RIMS1: variants seen among roughly 807,000 people sequenced by gnomAD.
The protein encoded by RIMS1 is regulating synaptic membrane exocytosis 1.
A neutral mutation model predicts 214.1 loss-of-function variants in RIMS1; 83 were observed. The ratio of observed to expected loss-of-function variants is 0.39; its 90% CI spans 0.32 to 0.47. The LOEUF (loss-of-function observed/expected upper bound fraction) is 0.47, where lower values mean the gene tolerates loss of function less well. RIMS1 is among the 20% of genes least tolerant of loss of function. RIMS1 has a pLI of 0.99. For synonymous variants in RIMS1, 793 were observed against 786.8 expected, an observed-to-expected ratio of 1.01 and a Z score of -0.13; for missense variants, 2,050 against 2,161.8, an observed-to-expected ratio of 0.95 and a Z score of 1.03.
At chr6:72,276,411 C>T (rs1242461882) in intron 23 of RIMS1, among the ~76,000 whole-genome samples, 1 of 151,978 alleles carries the variant, frequency 6.6e-6, no homozygotes, top group East Asian at 1.9e-4. Flanking sequence ...TCAAATAATA[C>T]TTTCAGTTCT....
chr6:71,963,333 C>A (rs1007528957), intron 1 of RIMS1, among the ~76,000 whole-genome samples: 5 of 152,248 alleles, frequency 3.3e-5, no homozygotes, highest in Non-Finnish European at 5.9e-5. Flanking sequence ...ATACTTTCTT[C>A]ATCGGCCAAG....
At chr6:72,249,643 A>G (rs1342214521) in intron 12 of RIMS1, among the ~76,000 whole-genome samples, 1 of 152,090 alleles carries the variant, frequency 6.6e-6, no homozygotes, top group Non-Finnish European at 1.5e-5. Context: ...ATGATGATGT[A>G]CACCTGTGGT....
At position 72,158,679 on chromosome 6, in the gene RIMS1, A is replaced by G. The variant is rs1183936488; in HGVS notation, c.472-20896A>G. ...GCGGTGTTTGGTTTTTTGTCCTTGC[A>G]ATAGTTTTCTGAGAATGATGGTTTC... is the stretch of plus-strand genomic sequence containing the variant. On this transcript the variant is annotated intron_variant, in intron 4 of 33. Coordinates refer to ENST00000521978, the MANE Select transcript of RIMS1 (RefSeq NM_014989.7). Among the ~76,000 whole-genome samples the G allele has an allele frequency of 7.4e-5, 10 of 135,544 alleles. 1 individual carries two copies. Among genetic ancestry groups the G allele is most frequent in the Non-Finnish European group, 1.5e-4 (9 of 60,340 alleles). 88.9% of individuals were successfully genotyped at this position (135,544 alleles called of 152,430 possible). A position where few individuals can be genotyped will look rare whatever the true frequency, so the allele number is the denominator to read the frequency against.
In RIMS1 at chr6:72,129,128, G is replaced by A. The variant is rs558666413; in HGVS notation, c.471+29142G>A. ...CTCTTCTGGACTCCAGGAAGCCTGT[G>A]TCTTTTTATCTGTCTTGCCCTAAAA... On this transcript the variant is annotated intron_variant, in intron 4 of 33. Transcript: ENST00000521978. Among the ~76,000 whole-genome samples the A allele has an allele frequency of 6.6e-5, 10 of 152,232 alleles. No individual in the cohort carries two copies. The South Asian group carries it at 2.1e-3, about 32-fold the overall frequency.
intron 24 of RIMS1, among the ~76,000 whole-genome samples, chr6:72,287,596 CTT>C (rs1292522207): frequency 3.1e-4 from 43 of 140,446 alleles, no homozygotes; most frequent in Non-Finnish European, 2.7e-4. Context: ...GCTCTGCAAA[CTT>C]TTTTTTTTTT....
At chr6:72,134,233 G>A (rs1416747025) in intron 4 of RIMS1, among the ~76,000 whole-genome samples, 1 of 151,934 alleles carries the variant, frequency 6.6e-6, no homozygotes, top group Non-Finnish European at 1.5e-5. Context: ...ATAGGGTAAT[G>A]TTTAAGCCTT....
At position 72,351,674 on chromosome 6, in the gene RIMS1, T is replaced by G. The variant is rs564373156; in HGVS notation, c.4366+17839T>G. Among the ~76,000 whole-genome samples, 5 of 152,314 alleles carry G rather than the reference T, an allele frequency of 3.3e-5. No individual in the cohort carries two copies. The East Asian group carries it at 9.6e-4, about 29-fold the overall frequency. On this transcript the variant is annotated intron_variant, in intron 29 of 33. Transcript: ENST00000521978. The stretch of plus-strand genomic sequence containing the variant: ...TAGTCTGTGCCTATAGCCTCAGTCC[T>G]TAACCACTACACCACATGCCTTCAG...
At chr6:72,083,174 T>C (rs1833832900) in intron 2 of RIMS1, among the ~76,000 whole-genome samples, 1 of 152,160 alleles carries the variant, frequency 6.6e-6, no homozygotes, top group South Asian at 2.1e-4. Flanking sequence ...GGAAAACAAG[T>C]CTTTCACGTT....
At chr6:72,302,532 G>A (rs150405607) in intron 26 of RIMS1, among the ~76,000 whole-genome samples, 142 of 151,388 alleles carry the variant, frequency 9.4e-4, no homozygotes, top group Middle Eastern at 3.4e-3. Context: ...CTGAAGCATA[G>A]GAGGTGTGTC....
chr6:72,125,872 G>A lies in RIMS1; in HGVS notation c.471+25886G>A, dbSNP rs192334578. Among the ~76,000 whole-genome samples, 35 of 152,266 alleles carry A rather than the reference G, an allele frequency of 2.3e-4. No homozygotes were observed. In the East Asian group the frequency reaches 2.3e-3, roughly 10 times the overall value. ...TGCAGTATTAGGGAGGGAGAGTCCC[G>A]ATTTTCCAGGTACCATCTGTCACGG... On this transcript the variant is annotated intron_variant, in intron 4 of 33. Transcript: ENST00000521978.
intron 4 of RIMS1, among the ~76,000 whole-genome samples, chr6:72,159,787 T>C (rs368639360): frequency 0.063 from 8,803 of 139,434 alleles, 1,768 homozygotes; most frequent in Middle Eastern, 0.1. Flanking sequence ...GTTTTGGTTA[T>C]TGTAGCCTTG....
chr6:72,160,865 C>G (rs1311804687), intron 4 of RIMS1, among the ~76,000 whole-genome samples: 1 of 140,034 alleles, frequency 7.1e-6, no homozygotes, highest in Non-Finnish European at 1.6e-5. Context: ...GTGTCTCTGC[C>G]AGGCTTTGGT....
chr6:72,022,770 T>C (rs897373018), intron 2 of RIMS1, among the ~76,000 whole-genome samples: 3 of 152,200 alleles, frequency 2.0e-5, no homozygotes, highest in African/African-American at 7.2e-5. Context: ...AAACTTACTA[T>C]CAAACCCATT....
At chr6:71,968,916 A>C (rs995831321) in intron 1 of RIMS1, 67 bp from the exon 2 acceptor site, 30 of 1,448,466 alleles carry the variant, frequency 2.1e-5, no homozygotes, top group Non-Finnish European at 2.9e-5. Context: ...TACCGTGTTT[A>C]ATTTCTAGAT....
intron 3 of RIMS1, 117 bp downstream of exon 3, chr6:72,097,279 A>C: frequency 1.2e-6 from 1 of 824,496 alleles, no homozygotes. Flanking sequence ...ATACACGTTA[A>C]AATGAACCTC....
At chr6:71,966,570 T>A (rs9446517) in intron 1 of RIMS1, among the ~76,000 whole-genome samples, 33,131 of 152,200 alleles carry the variant, frequency 0.22, 3,819 homozygotes, top group South Asian at 0.3. Context: ...TCGCCCAGGC[T>A]GGAGTGCAGT....
chr6:71,915,190 T>A (rs1220372224), intron 1 of RIMS1, among the ~76,000 whole-genome samples: 1 of 152,142 alleles, frequency 6.6e-6, no homozygotes, highest in African/African-American at 2.4e-5. Flanking sequence ...TTGACAACTT[T>A]TCTATTTACA....
In RIMS1 at chr6:72,099,971, A is replaced by G. The variant is rs745436382; in HGVS notation, c.460-4A>G. The G allele has an allele frequency of 1.5e-5, 24 of 1,605,146 alleles. No individual in the cohort carries two copies. Among genetic ancestry groups the G allele is most frequent in the South Asian group, 2.2e-5 (2 of 90,646 alleles). On this transcript the variant is annotated splice_polypyrimidine_tract_variant and splice_region_variant and intron_variant, in intron 3 of 33. Coordinates refer to ENST00000521978, the MANE Select transcript of RIMS1 (RefSeq NM_014989.7). Reference sequence around the variant, plus strand: ...ACTCTGCTTCCTTGGATGCTTTCCCAAAGGAGGACAAAGTGGTTAGAATCC... The same window carrying G: ...ACTCTGCTTCCTTGGATGCTTTCCCGAAGGAGGACAAAGTGGTTAGAATCC...
At chr6:72,302,116 G>T (rs983705619) in intron 26 of RIMS1, among the ~76,000 whole-genome samples, 1 of 151,546 alleles carries the variant, frequency 6.6e-6, no homozygotes, top group Non-Finnish European at 1.5e-5. Flanking sequence ...ATTCTGTAAT[G>T]GAGGGATATA....
Sources: gnomAD v4.1 joint callset for allele counts (sites outside exome capture counted in the v4.1 genomes callset) on GRCh38, gnomAD v4.1.1 for gene constraint, MANE v1.5 for transcripts, NCBI Gene and HGNC (gene_info 2026-07-23, HGNC 2026-07-21) for gene names.